PTPRD: variants seen among roughly 807,000 people sequenced by gnomAD.
PTPRD encodes the protein protein tyrosine phosphatase receptor type D.
Under a neutral mutation model 214.5 loss-of-function variants are expected in PTPRD, and 34 were observed. The observed-to-expected ratio is 0.16, with a 90% confidence interval of 0.12 to 0.21. The LOEUF is 0.21. Among genes scored for constraint, PTPRD ranks in the 10% least tolerant of loss-of-function variants. The probability of loss-of-function intolerance (pLI) is 1.00; values close to 1 mark genes in which losing one functional copy is unlikely to be tolerated. For missense variants in PTPRD, 2,545 were observed against 2,398.7 expected (o/e 1.06, Z -1.27); for synonymous variants, 1,128 against 845.7 (o/e 1.33, Z -5.79).
chr9:10,592,294 T>G (rs1219345280), intron 2 of PTPRD, among the ~76,000 whole-genome samples: 1 of 151,952 alleles, frequency 6.6e-6, no homozygotes, highest in African/African-American at 2.4e-5. Context: ...GTAGACTAAA[T>G]CTCACCAAAT....
chr9:9,796,813 A>G lies in PTPRD; in HGVS notation c.-367-29962T>C, dbSNP rs142841324. On this transcript the variant is annotated intron_variant, in intron 5 of 45. Transcript: ENST00000381196. ...TAGTGTTTTGGGGTTCCTTTAAACC[A>G]CTTTATTGAGGTATGATTTGGCATA... Among the ~76,000 whole-genome samples the G allele has an allele frequency of 1.2e-3, 188 of 152,284 alleles. 1 individual carries two copies. The highest frequency in any genetic ancestry group is 4.2e-3 in the African/African-American group (176 of 41,546).
intron 21 of PTPRD, among the ~76,000 whole-genome samples, chr9:8,517,637 G>A (rs1193006385): frequency 6.6e-6 from 1 of 152,192 alleles, no homozygotes; most frequent in Non-Finnish European, 1.5e-5. Flanking sequence ...TTAAAAAGAA[G>A]GGGTGTTAAT....
At chr9:9,957,770 A>G (rs1453718316) in intron 4 of PTPRD, among the ~76,000 whole-genome samples, 1 of 152,182 alleles carries the variant, frequency 6.6e-6, no homozygotes, top group Non-Finnish European at 1.5e-5. Context: ...GACTGTCACA[A>G]CCTGACTTCA....
At chr9:10,001,639 T>A (rs2154093652) in intron 4 of PTPRD, among the ~76,000 whole-genome samples, 1 of 152,164 alleles carries the variant, frequency 6.6e-6, no homozygotes, top group African/African-American at 2.4e-5. Flanking sequence ...ACATAAGAAT[T>A]CTCTACCTAA....
chr9:10,469,362 A>T (rs1286495443), intron 2 of PTPRD, among the ~76,000 whole-genome samples: 1 of 152,198 alleles, frequency 6.6e-6, no homozygotes, highest in Non-Finnish European at 1.5e-5. Flanking sequence ...AAAATAATTG[A>T]AAAACATTAT....
intron 9 of PTPRD, among the ~76,000 whole-genome samples, chr9:9,378,878 T>A (rs1228977692): frequency 1.3e-5 from 2 of 152,024 alleles, no homozygotes; most frequent in African/African-American, 4.8e-5. Context: ...GATTTTTAAG[T>A]TTCTTATATA....
At position 8,784,801 on chromosome 9, in the gene PTPRD, T is replaced by C. The variant is rs555442837; in HGVS notation, c.-103-50855A>G. ...CCAAAAATGTCTGCTACTAAAAAGT[T>C]TGAAAAGCAGAAACACGCGTTTTTC... On this transcript the variant is annotated intron_variant, in intron 11 of 45. Transcript: ENST00000381196. 7.2e-5 allele frequency among the ~76,000 whole-genome samples: 11 copies of C among 152,286 alleles called. No homozygotes were observed. In the East Asian group the frequency reaches 9.6e-4, roughly 13 times the overall value.
At chr9:9,819,640 G>A (rs1481650634) in intron 5 of PTPRD, among the ~76,000 whole-genome samples, 3 of 151,982 alleles carry the variant, frequency 2.0e-5, no homozygotes, top group Non-Finnish European at 4.4e-5. Context: ...CCAACGGTTA[G>A]TTTTTCATCC....
intron 11 of PTPRD, among the ~76,000 whole-genome samples, chr9:8,868,871 C>T (rs1440357116): frequency 2.0e-5 from 3 of 152,122 alleles, no homozygotes; most frequent in Admixed American, 6.6e-5. Flanking sequence ...GTGAACTATG[C>T]ACTATCAAGT....
At chr9:9,946,129 A>G (rs1404751972) in intron 4 of PTPRD, among the ~76,000 whole-genome samples, 1 of 138,872 alleles carries the variant, frequency 7.2e-6, no homozygotes. Context: ...TGCCATGCAT[A>G]CTAAATCATT....
Position 9,431,394 on chromosome 9 carries a change from T to C in PTPRD, c.-236-33912A>G, listed in dbSNP as rs192380868. On this transcript the variant is annotated intron_variant, in intron 8 of 45. Coordinates refer to ENST00000381196, the MANE Select transcript of PTPRD (RefSeq NM_002839.4). ...AGTTAGAATGGCGATCATTAAAAAG[T>C]CAGGAAACAACAGGTGCTGGAGAGG... Among the ~76,000 whole-genome samples, 921 of 152,120 alleles carry C rather than the reference T, an allele frequency of 6.1e-3. 6 individuals carry two copies. The highest frequency in any genetic ancestry group is 0.02 in the African/African-American group (825 of 41,504).
chr9:9,746,991 C>G (rs1437483120), intron 6 of PTPRD, among the ~76,000 whole-genome samples: 2 of 152,174 alleles, frequency 1.3e-5, no homozygotes, highest in East Asian at 3.9e-4. Context: ...AAACGTTTAA[C>G]ATGTTAAACA....
intron 12 of PTPRD, among the ~76,000 whole-genome samples, chr9:8,680,081 G>C (rs1400138406): frequency 3.3e-5 from 5 of 151,818 alleles, no homozygotes; most frequent in African/African-American, 9.7e-5. Flanking sequence ...TAGATACTAT[G>C]ATTCTTTTGT....
At chr9:8,517,336 C>A (rs374568722) in intron 21 of PTPRD, among the ~76,000 whole-genome samples, 1 of 152,152 alleles carries the variant, frequency 6.6e-6, no homozygotes, top group East Asian at 1.9e-4. Context: ...TCTTTATCCA[C>A]TGAGGCCATA....
At chr9:8,647,035 C>G (rs1198500231) in intron 12 of PTPRD, among the ~76,000 whole-genome samples, 1 of 152,192 alleles carries the variant, frequency 6.6e-6, no homozygotes, top group Non-Finnish European at 1.5e-5. Flanking sequence ...CACTGCAATA[C>G]ATTGATATGA....
At chr9:9,669,360 A>G (rs912102495) in intron 7 of PTPRD, among the ~76,000 whole-genome samples, 4 of 152,180 alleles carry the variant, frequency 2.6e-5, no homozygotes, top group Non-Finnish European at 2.9e-5. Context: ...TTAGTTCTGG[A>G]CCAAACGTAG....
intron 4 of PTPRD, among the ~76,000 whole-genome samples, chr9:9,949,920 T>C (rs2093270935): frequency 6.6e-6 from 1 of 152,196 alleles, no homozygotes; most frequent in African/African-American, 2.4e-5. Flanking sequence ...TCAAAAAATT[T>C]GTTTGTAGGG....
intron 7 of PTPRD, among the ~76,000 whole-genome samples, chr9:9,666,094 T>C (rs2096716209): frequency 6.6e-6 from 1 of 151,904 alleles, no homozygotes; most frequent in South Asian, 2.1e-4. Context: ...CATATCAAGT[T>C]GTATACCCAT....
intron 5 of PTPRD, among the ~76,000 whole-genome samples, chr9:9,919,749 G>A (rs2082016767): frequency 6.6e-6 from 1 of 152,120 alleles, no homozygotes; most frequent in South Asian, 2.1e-4. Flanking sequence ...TCAGGTGCTT[G>A]TATGACCTGG....
Sources: allele counts gnomAD v4.1 joint callset (sites outside exome capture counted in the v4.1 genomes callset), GRCh38; gene constraint gnomAD v4.1.1; transcripts MANE v1.5; gene names NCBI Gene and HGNC (gene_info 2026-07-23, HGNC 2026-07-21).